Variants in CELSR1 observed in about 807,000 individuals in gnomAD.
CELSR1 encodes cadherin EGF LAG seven-pass G-type receptor 1.
Under a neutral mutation model 249.1 loss-of-function variants are expected in CELSR1, and 110 were observed. The ratio of observed to expected loss-of-function variants is 0.44; its 90% CI spans 0.38 to 0.52. The LOEUF (loss-of-function observed/expected upper bound fraction) is 0.52, where lower values mean the gene tolerates loss of function less well. Ranked by LOEUF, CELSR1 falls within the 20% of genes least tolerant of loss-of-function variation. The pLI is 0.00. For synonymous variants in CELSR1, 2,113 were observed against 1,900.0 expected, an observed-to-expected ratio of 1.11 and a Z score of -2.92; for missense variants, 4,109 against 4,296.4, an observed-to-expected ratio of 0.96 and a Z score of 1.22.
rs561199555 is a variant in CELSR1, at chr22:46,518,672, C to T, written c.3544+14955G>A. Among the ~76,000 whole-genome samples, 37 of 152,318 alleles carry T rather than the reference C, an allele frequency of 2.4e-4. No individual in the cohort carries two copies. The highest frequency in any genetic ancestry group is 6.5e-4 in the African/African-American group (27 of 41,562). On this transcript the variant is annotated intron_variant, in intron 1 of 34. Coordinates refer to ENST00000674500, the MANE Select transcript of CELSR1 (RefSeq NM_001378328.1). The surrounding 1 kb of genome is among the most constrained non-coding windows in gnomAD (Gnocchi z 5.2). ...CACGCCTGTAATCCGAGTGTGGCTGCGGTCTCTGCCTCCATCTTCACGTTG... is the reference window on the plus strand; with the variant it reads ...CACGCCTGTAATCCGAGTGTGGCTGTGGTCTCTGCCTCCATCTTCACGTTG...
chr22:46,532,878 G>A (rs980476624), intron 1 of CELSR1, among the ~76,000 whole-genome samples: 2 of 152,190 alleles, frequency 1.3e-5, no homozygotes, highest in South Asian at 2.1e-4. Context: ...ATAGAGGACC[G>A]GCCAAACTTC....
Position 46,447,902 on chromosome 22 carries a change from G to A in CELSR1, c.4184-8491C>T, listed in dbSNP as rs759385423. 3.9e-5 allele frequency among the ~76,000 whole-genome samples: 6 copies of A among 152,218 alleles called. No individual in the cohort carries two copies. The highest frequency in any genetic ancestry group is 7.4e-5 in the Non-Finnish European group (5 of 68,006). On this transcript the variant is annotated intron_variant, in intron 2 of 34. Coordinates refer to ENST00000674500, the MANE Select transcript of CELSR1 (RefSeq NM_001378328.1). This position sits in a 1 kb window ranked among gnomAD's most constrained non-coding sequence, Gnocchi z 4.7. ...CCCAAAGTGCTGGGATTACAGGTGC[G>A]AGCCACCACACCCGGCCAGAAAAGC... is the stretch of plus-strand genomic sequence containing the variant.
intron 1 of CELSR1, among the ~76,000 whole-genome samples, chr22:46,532,344 A>G (rs950158393): frequency 6.6e-6 from 1 of 152,236 alleles, no homozygotes; most frequent in Non-Finnish European, 1.5e-5. Context: ...CACGTTTACA[A>G]TCTCACAAAC....
At chr22:46,487,863 G>C (rs1309263366) in intron 1 of CELSR1, among the ~76,000 whole-genome samples, 3 of 145,164 alleles carry the variant, frequency 2.1e-5, no homozygotes, top group Non-Finnish European at 4.5e-5. Context: ...GTGCTACTGG[G>C]GGTTGCGGGG....
intron 26 of CELSR1, 105 bp downstream of exon 26, chr22:46,369,587 C>T (rs933482164): frequency 2.6e-5 from 26 of 1,011,768 alleles, no homozygotes; most frequent in African/African-American, 2.6e-4. Context: ...TTCCTGCCCC[C>T]CGTCGGCTGC....
intron 1 of CELSR1, among the ~76,000 whole-genome samples, chr22:46,493,755 G>A (rs2080389462): frequency 6.6e-6 from 1 of 152,048 alleles, no homozygotes; most frequent in Non-Finnish European, 1.5e-5. Context: ...TTTTATAGAG[G>A]AGTTCCCCTG....
At chr22:46,487,919 G>A (rs1271653663) in intron 1 of CELSR1, among the ~76,000 whole-genome samples, 4 of 130,522 alleles carry the variant, frequency 3.1e-5, no homozygotes, top group African/African-American at 1.2e-4. Context: ...CTGTCCAGCT[G>A]ATGAGGGTGT....
chr22:46,386,669 C>T, intron 18 of CELSR1, 84 bp from the exon 19 acceptor site: 14 of 1,149,580 alleles, frequency 1.2e-5, no homozygotes, highest in Non-Finnish European at 1.6e-5. Flanking sequence ...AAAGCCTTTG[C>T]TTGCCTAGTG....
At chr22:46,485,459 G>A (rs943450700) in intron 1 of CELSR1, among the ~76,000 whole-genome samples, 39 of 152,280 alleles carry the variant, frequency 2.6e-4, no homozygotes, top group African/African-American at 8.9e-4. Flanking sequence ...TCAAAGCTCC[G>A]TTTGGACGGG....
intron 25 of CELSR1, among the ~76,000 whole-genome samples, 169 bp downstream of exon 25, chr22:46,372,714 G>A (rs778048401): frequency 2.6e-5 from 4 of 152,130 alleles, no homozygotes; most frequent in East Asian, 3.9e-4. Flanking sequence ...AGGTGTCTGC[G>A]AGTGCCCCTG....
chr22:46,368,019 G>A (rs991383420), intron 27 of CELSR1, among the ~76,000 whole-genome samples, 164 bp from the exon 28 acceptor site: 11 of 152,072 alleles, frequency 7.2e-5, no homozygotes, highest in Non-Finnish European at 1.0e-4. Flanking sequence ...TCCTCCCCTC[G>A]TAGCCAGGTA....
Position 46,380,640 on chromosome 22 carries a change from G to C in CELSR1, c.7256+148C>G. The C allele has an allele frequency of 2.4e-6, 2 of 827,718 alleles. No homozygotes were observed. The highest frequency in any genetic ancestry group is 1.9e-6 in the Non-Finnish European group (1 of 531,448). 51.3% of individuals were successfully genotyped at this position (827,718 alleles called of 1,614,324 possible). ...ATATTCCCACAGAAGCAGAGCAGGA[G>C]GCTCACTGCCCCCACGGGGGACTTA... On this transcript the variant is annotated intron_variant, in intron 22 of 34. Transcript: ENST00000674500. This position sits in a 1 kb window ranked among gnomAD's most constrained non-coding sequence, Gnocchi z 5.1.
intron 1 of CELSR1, among the ~76,000 whole-genome samples, chr22:46,495,433 C>T (rs558670537): frequency 5.4e-4 from 82 of 152,320 alleles, no homozygotes; most frequent in African/African-American, 1.9e-3. Context: ...CTGGAAGTTG[C>T]CCTGGGTAAG....
rs2080511632 is a variant in CELSR1 at position 46,506,108 on chromosome 22, G to A, written c.3544+27519C>T. Among the ~76,000 whole-genome samples, 1 of 151,650 alleles carries A rather than the reference G, an allele frequency of 6.6e-6. No individual in the cohort carries two copies. Among genetic ancestry groups the A allele is most frequent in the Non-Finnish European group, 1.5e-5 (1 of 67,970 alleles). ...GCAGGAGAATCACTTGAACCTGGGAGGACGAGGTTGCAGTGAGCTGAGATC... is the reference window on the plus strand; with the variant it reads ...GCAGGAGAATCACTTGAACCTGGGAAGACGAGGTTGCAGTGAGCTGAGATC... On this transcript the variant is annotated intron_variant, in intron 1 of 34. Transcript: ENST00000674500. This position sits in a 1 kb window ranked among gnomAD's most constrained non-coding sequence, Gnocchi z 4.1.
At chr22:46,435,149 G>A (rs1229614066) in intron 4 of CELSR1, among the ~76,000 whole-genome samples, 11 of 150,660 alleles carry the variant, frequency 7.3e-5, no homozygotes, top group South Asian at 6.3e-4. Context: ...ACAGAGTCTC[G>A]CTATATTGCC....
At chr22:46,425,921 C>T (rs1268076910) in intron 5 of CELSR1, among the ~76,000 whole-genome samples, 1 of 152,190 alleles carries the variant, frequency 6.6e-6, no homozygotes, top group Non-Finnish European at 1.5e-5. Context: ...TATACATTTC[C>T]CTCTCAGCAC....
Position 46,396,478 on chromosome 22 carries a change from A to G in CELSR1, c.5843+127T>C. 1 of 1,008,424 alleles carries G rather than the reference A, an allele frequency of 9.9e-7. No individual in the cohort carries two copies. The highest frequency in any genetic ancestry group is 1.3e-6 in the Non-Finnish European group (1 of 767,558). 62.5% of individuals were successfully genotyped at this position (1,008,424 alleles called of 1,614,324 possible). A position where few individuals can be genotyped will look rare whatever the true frequency, so the allele number is the denominator to read the frequency against. On this transcript the variant is annotated intron_variant, in intron 13 of 34. Coordinates refer to ENST00000674500, the MANE Select transcript of CELSR1 (RefSeq NM_001378328.1). This position sits in a 1 kb window ranked among gnomAD's most constrained non-coding sequence, Gnocchi z 6.4. ...CTTAATTCATGCCAAATTAAAAAAA[A>G]ATATGTCCCTGTTACCCAGAATCAC... is the stretch of plus-strand genomic sequence containing the variant.
rs776881739 is a variant in CELSR1 at position 46,397,654 on chromosome 22, C to T, written c.5701+20G>A. On this transcript the variant is annotated intron_variant, in intron 12 of 34. Transcript: ENST00000674500. ...AAGAGACCTCCCTGTCACTGAAGGG[C>T]CCCGGGAGGGCGGTCCCACCTTTGT... is the stretch of plus-strand genomic sequence containing the variant. 25 of 1,454,958 alleles carry T rather than the reference C, an allele frequency of 1.7e-5. No individual in the cohort carries two copies. Among genetic ancestry groups the T allele is most frequent in the Admixed American group, 4.8e-5 (2 of 42,024 alleles). The allele number at this position is 1,454,958 out of a possible 1,614,324, so 90.1% of individuals were successfully genotyped here.
Position 46,524,409 on chromosome 22 carries a change from G to A in CELSR1, c.3544+9218C>T, listed in dbSNP as rs1015404581. Among the ~76,000 whole-genome samples the A allele has an allele frequency of 2.6e-5, 4 of 152,156 alleles. No individual in the cohort carries two copies. The East Asian group carries it at 7.7e-4, about 29-fold the overall frequency. On this transcript the variant is annotated intron_variant, in intron 1 of 34. Coordinates refer to ENST00000674500, the MANE Select transcript of CELSR1 (RefSeq NM_001378328.1). ...GCCTCCAAACAAGGCCCGCAGCTCT[G>A]AGGGACACATCCTGTCCCCTGCACA...
Sources: allele counts gnomAD v4.1 joint callset (sites outside exome capture counted in the v4.1 genomes callset), GRCh38; gene constraint gnomAD v4.1.1; non-coding constraint Gnocchi (gnomAD v3.1); transcripts MANE v1.5; gene names NCBI Gene and HGNC (gene_info 2026-07-23, HGNC 2026-07-21).